VOPP1: variants seen among roughly 807,000 people sequenced by gnomAD.
VOPP1 encodes WW domain binding protein VOPP1.
VOPP1 carries 8 observed loss-of-function variants against 23.5 expected under a neutral mutation model. That is an observed-to-expected ratio of 0.34 (90% confidence interval 0.20 to 0.61). The LOEUF (loss-of-function observed/expected upper bound fraction) is 0.61. VOPP1 is among the 20% of genes least tolerant of loss of function. The pLI is 0.78. For missense variants in VOPP1, 174 were observed against 238.1 expected (o/e 0.73, Z 1.77); for synonymous variants, 83 against 97.3 (o/e 0.85, Z 0.86).
At chr7:55,552,906 T>C (rs1020970613) in intron 1 of VOPP1, 16 of 1,139,590 alleles carry the variant, frequency 1.4e-5, no homozygotes, top group Non-Finnish European at 1.7e-5. Flanking sequence ...GAAGAAAAAA[T>C]TATACGTGCT....
chr7:55,498,828 T>C (rs958822413), intron 2 of VOPP1, among the ~76,000 whole-genome samples: 2 of 152,194 alleles, frequency 1.3e-5, no homozygotes, highest in African/African-American at 2.4e-5. Context: ...AACAGCGGCC[T>C]GGAACTCAGC....
chr7:55,549,675 G>A (rs532098098), intron 1 of VOPP1, among the ~76,000 whole-genome samples: 57 of 152,146 alleles, frequency 3.7e-4, no homozygotes, highest in Non-Finnish European at 6.8e-4. Context: ...AGAAACAAGC[G>A]GAGGAAGCAC....
At chr7:55,555,429 C>G (rs1163270726) in intron 1 of VOPP1, among the ~76,000 whole-genome samples, 3 of 152,214 alleles carry the variant, frequency 2.0e-5, no homozygotes, top group African/African-American at 7.2e-5. Context: ...TGCTAAATCC[C>G]TTAACTTCTC....
intron 4 of VOPP1, among the ~76,000 whole-genome samples, chr7:55,448,439 C>T (rs1791155777): frequency 6.6e-6 from 1 of 152,244 alleles, no homozygotes; most frequent in African/African-American, 2.4e-5. Context: ...GTGGGATGGG[C>T]GTACAGTGTG....
At chr7:55,507,630 T>C (rs1794817844) in intron 2 of VOPP1, among the ~76,000 whole-genome samples, 3 of 152,200 alleles carry the variant, frequency 2.0e-5, no homozygotes, top group Admixed American at 2.0e-4. Flanking sequence ...ATTTTATCTG[T>C]CTTGCTTTCA....
At chr7:55,452,567 T>C (rs1377009089) in intron 4 of VOPP1, among the ~76,000 whole-genome samples, 1 of 152,242 alleles carries the variant, frequency 6.6e-6, no homozygotes, top group Non-Finnish European at 1.5e-5. Flanking sequence ...TTACAAAATG[T>C]ATGTCATAAA....
chr7:55,512,479 C>A (rs1795138162), intron 2 of VOPP1, among the ~76,000 whole-genome samples: 1 of 152,112 alleles, frequency 6.6e-6, no homozygotes, highest in Admixed American at 6.5e-5. Context: ...GTCTAAAGTT[C>A]TTAAGCAGAA....
intron 4 of VOPP1, among the ~76,000 whole-genome samples, chr7:55,453,401 C>T (rs1413859844): frequency 2.0e-5 from 3 of 152,212 alleles, no homozygotes; most frequent in African/African-American, 7.2e-5. Flanking sequence ...GCCTTCCTTA[C>T]TAGACTTAAT....
intron 1 of VOPP1, among the ~76,000 whole-genome samples, chr7:55,550,540 G>C (rs1797561149): frequency 6.6e-6 from 1 of 152,146 alleles, no homozygotes. Flanking sequence ...TCTATTTCTA[G>C]AAATCCATCC....
At chr7:55,484,818 G>A (rs1183418107) in intron 4 of VOPP1, among the ~76,000 whole-genome samples, 2 of 152,120 alleles carry the variant, frequency 1.3e-5, no homozygotes, top group Non-Finnish European at 2.9e-5. Flanking sequence ...CTGACACACC[G>A]ACTTCTGGCC....
downstream of VOPP1, among the ~76,000 whole-genome samples, chr7:55,468,378 C>T (rs1231495474): frequency 2.0e-5 from 3 of 152,218 alleles, no homozygotes; most frequent in Non-Finnish European, 4.4e-5. Context: ...CTCCCTCTTC[C>T]CCTCTAAGTG....
At chr7:55,465,407 A>G (rs1178048555) in intron 4 of VOPP1, among the ~76,000 whole-genome samples, 2 of 152,208 alleles carry the variant, frequency 1.3e-5, no homozygotes, top group Admixed American at 1.3e-4. Flanking sequence ...TGGAGTGGTG[A>G]TGGTGTATGT....
At chr7:55,487,220 T>C (rs1360639672) in intron 4 of VOPP1, among the ~76,000 whole-genome samples, 1 of 152,152 alleles carries the variant, frequency 6.6e-6, no homozygotes, top group Admixed American at 6.6e-5. Context: ...GACAGACTTA[T>C]TACAGGATTG....
chr7:55,524,168 A>G (rs1172708756), intron 1 of VOPP1, among the ~76,000 whole-genome samples: 1 of 152,202 alleles, frequency 6.6e-6, no homozygotes, highest in African/African-American at 2.4e-5. Flanking sequence ...TTTTTCTGGC[A>G]TATTCCCTAA....
chr7:55,524,287 C>T lies in VOPP1; in HGVS notation c.55-3157G>A, dbSNP rs544006981. On this transcript the variant is annotated intron_variant, in intron 1 of 4. Coordinates refer to ENST00000285279, the MANE Select transcript of VOPP1 (RefSeq NM_030796.5). The stretch of plus-strand genomic sequence containing the variant: ...GAATCATATTTTGAAAAATTTAACC[C>T]GTTTGTTCCTTTACAAAAACTATTC... 2.5e-4 allele frequency among the ~76,000 whole-genome samples: 38 copies of T among 152,310 alleles called. No individual in the cohort carries two copies. In the East Asian group the frequency reaches 6.2e-3, roughly 25 times the overall value.
chr7:55,475,573 T>C (rs1232730669), intron 4 of VOPP1, among the ~76,000 whole-genome samples: 7 of 152,082 alleles, frequency 4.6e-5, no homozygotes, highest in Middle Eastern at 3.2e-3. Context: ...CAGGATTCGG[T>C]GTGGTGGGGA....
At chr7:55,525,187 G>A (rs1042228598) in intron 1 of VOPP1, among the ~76,000 whole-genome samples, 7 of 152,034 alleles carry the variant, frequency 4.6e-5, no homozygotes, top group Non-Finnish European at 8.8e-5. Flanking sequence ...CACTCTCCTC[G>A]TTTGTAAGAG....
At chr7:55,518,115 T>A (rs1414486703) in intron 2 of VOPP1, among the ~76,000 whole-genome samples, 2 of 152,204 alleles carry the variant, frequency 1.3e-5, no homozygotes, top group Admixed American at 6.5e-5. Flanking sequence ...ATGGGACTTC[T>A]GCACTGGCCG....
At chr7:55,502,101 C>G (rs2129028629) in intron 2 of VOPP1, among the ~76,000 whole-genome samples, 1 of 152,352 alleles carries the variant, frequency 6.6e-6, no homozygotes, top group African/African-American at 2.4e-5. Context: ...CAGCTTTACA[C>G]TTGTAAGGAA....
Sources: allele counts gnomAD v4.1 joint callset (sites outside exome capture counted in the v4.1 genomes callset), GRCh38; gene constraint gnomAD v4.1.1; transcripts MANE v1.5; gene names NCBI Gene and HGNC (gene_info 2026-07-23, HGNC 2026-07-21).